PTPRT: variants seen among roughly 807,000 people sequenced by gnomAD.
PTPRT encodes the protein receptor-type tyrosine-protein phosphatase T.
A neutral mutation model predicts 176.8 loss-of-function variants in PTPRT; 56 were observed. That is an observed-to-expected ratio of 0.32 (90% CI 0.26 to 0.40). PTPRT has a LOEUF of 0.40. Ranked by LOEUF, PTPRT falls within the 10% of genes least tolerant of loss-of-function variation. PTPRT has a pLI of 1.00. For missense variants in PTPRT, 1,540 were observed against 1,908.2 expected, an observed-to-expected ratio of 0.81 and a Z score of 3.60; for synonymous variants, 783 against 739.0, an observed-to-expected ratio of 1.06 and a Z score of -0.96.
At chr20:42,086,436 T>A (rs1600472458) in intron 27 of PTPRT, among the ~76,000 whole-genome samples, 1 of 152,220 alleles carries the variant, frequency 6.6e-6, no homozygotes, top group East Asian at 1.9e-4. Flanking sequence ...TTAGGTTTGC[T>A]TAACCTGAGT....
At chr20:42,764,042 T>C (rs2076950949) in intron 5 of PTPRT, among the ~76,000 whole-genome samples, 1 of 152,226 alleles carries the variant, frequency 6.6e-6, no homozygotes, top group South Asian at 2.1e-4. Context: ...TATGAAACTG[T>C]GGCAGTCTAC....
At chr20:42,496,012 G>A (rs1166060634) in intron 7 of PTPRT, among the ~76,000 whole-genome samples, 3 of 152,102 alleles carry the variant, frequency 2.0e-5, no homozygotes, top group Non-Finnish European at 4.4e-5. Flanking sequence ...TGTGTTATAT[G>A]TATTATACAT....
At chr20:42,223,931 G>T (rs1286614888) in intron 15 of PTPRT, among the ~76,000 whole-genome samples, 1 of 152,120 alleles carries the variant, frequency 6.6e-6, no homozygotes, top group Non-Finnish European at 1.5e-5. Context: ...TTAATAAAAC[G>T]ATATTTACAA....
At chr20:42,836,985 C>T (rs1258457622) in intron 2 of PTPRT, among the ~76,000 whole-genome samples, 2 of 152,162 alleles carry the variant, frequency 1.3e-5, no homozygotes, top group Admixed American at 6.5e-5. Context: ...GGGATTTGAA[C>T]CCCAGCAGTC....
chr20:42,993,184 C>G (rs1010767953), intron 1 of PTPRT, among the ~76,000 whole-genome samples: 8 of 151,554 alleles, frequency 5.3e-5, no homozygotes, highest in African/African-American at 1.9e-4. Context: ...TTTGGGAGGC[C>G]GAGGTGGGTG....
At chr20:42,271,664 A>T (rs1255538181) in intron 13 of PTPRT, among the ~76,000 whole-genome samples, 1 of 152,226 alleles carries the variant, frequency 6.6e-6, no homozygotes, top group Admixed American at 6.5e-5. Flanking sequence ...TCAAGGTCAC[A>T]AACTGGTAAA....
At chr20:42,407,828 T>C (rs1298803566) in intron 9 of PTPRT, among the ~76,000 whole-genome samples, 1 of 152,022 alleles carries the variant, frequency 6.6e-6, no homozygotes, top group African/African-American at 2.4e-5. Flanking sequence ...CTAGAATCTA[T>C]CTAAGTACAT....
intron 16 of PTPRT, among the ~76,000 whole-genome samples, chr20:42,197,759 AG>A: frequency 6.6e-6 from 1 of 151,948 alleles, no homozygotes; most frequent in Non-Finnish European, 1.5e-5. Flanking sequence ...AAAGAGAGAG[AG>A]GGTGAGTACA....
chr20:42,919,774 C>T (rs1398917294), intron 1 of PTPRT, among the ~76,000 whole-genome samples: 1 of 152,178 alleles, frequency 6.6e-6, no homozygotes, highest in Non-Finnish European at 1.5e-5. Context: ...GATTCCTGTC[C>T]ATTCATTTAC....
chr20:42,995,908 TG>T (rs890871302), intron 1 of PTPRT, among the ~76,000 whole-genome samples: 2 of 152,086 alleles, frequency 1.3e-5, no homozygotes, highest in African/African-American at 4.8e-5. Context: ...CCTCGACTCC[TG>T]GGCTCAAGCG....
At chr20:42,794,385 G>C (rs1255595336) in intron 2 of PTPRT, among the ~76,000 whole-genome samples, 1 of 152,116 alleles carries the variant, frequency 6.6e-6, no homozygotes, top group Non-Finnish European at 1.5e-5. Flanking sequence ...CATCACCTGG[G>C]AGCTTGTGAG....
chr20:42,763,928 C>T (rs2076949711), intron 5 of PTPRT, among the ~76,000 whole-genome samples: 1 of 152,018 alleles, frequency 6.6e-6, no homozygotes, highest in South Asian at 2.1e-4. Context: ...TGGTGGGGGA[C>T]AAAGGAAACT....
intron 1 of PTPRT, among the ~76,000 whole-genome samples, chr20:42,939,285 A>T (rs1017794580): frequency 6.6e-6 from 1 of 152,374 alleles, no homozygotes; most frequent in Non-Finnish European, 1.5e-5. Context: ...AGGGGAGCCA[A>T]TTCCAAAGTA....
chr20:42,310,281 G>A (rs903577859), intron 12 of PTPRT, among the ~76,000 whole-genome samples: 4 of 152,070 alleles, frequency 2.6e-5, no homozygotes, highest in African/African-American at 9.7e-5. Flanking sequence ...CAGAGAAAAG[G>A]GTAAGTAGGA....
intron 29 of PTPRT, among the ~76,000 whole-genome samples, chr20:42,083,865 AT>A (rs1983606457): frequency 6.6e-6 from 1 of 152,172 alleles, no homozygotes; most frequent in Non-Finnish European, 1.5e-5. Context: ...ATGGCTGCAG[AT>A]TTGTTTTGGG....
chr20:43,108,149 G>A (rs2012698322), intron 1 of PTPRT, among the ~76,000 whole-genome samples: 1 of 152,212 alleles, frequency 6.6e-6, no homozygotes, highest in African/African-American at 2.4e-5. Flanking sequence ...TTGACCAGTA[G>A]GATATGGCAG....
intron 7 of PTPRT, among the ~76,000 whole-genome samples, chr20:42,525,324 A>G (rs981681251): frequency 1.3e-5 from 2 of 152,150 alleles, no homozygotes; most frequent in African/African-American, 4.8e-5. Context: ...TATTTTTTCC[A>G]TATTTGGTCA....
intron 2 of PTPRT, among the ~76,000 whole-genome samples, chr20:42,843,068 G>A (rs893297468): frequency 7.9e-5 from 12 of 152,076 alleles, no homozygotes; most frequent in African/African-American, 1.9e-4. Context: ...ATTCACTTCC[G>A]GGATCCCTAA....
At chr20:42,645,642 C>T (rs542365375) in intron 7 of PTPRT, among the ~76,000 whole-genome samples, 13 of 151,944 alleles carry the variant, frequency 8.6e-5, no homozygotes, top group East Asian at 5.8e-4. Context: ...TAAGTACAGG[C>T]GGCTACAACA....
Sources: gnomAD v4.1 joint callset for allele counts (sites outside exome capture counted in the v4.1 genomes callset) on GRCh38, gnomAD v4.1.1 for gene constraint, MANE v1.5 for transcripts, NCBI Gene and HGNC (gene_info 2026-07-23, HGNC 2026-07-21) for gene names.